Variants in CDKL3 observed in about 807,000 individuals in gnomAD.
CDKL3 encodes cyclin dependent kinase like 3.
Under a neutral mutation model 69.3 loss-of-function variants are expected in CDKL3, and 65 were observed. That is an observed-to-expected ratio of 0.94 (90% CI 0.77 to 1.15). The LOEUF (loss-of-function observed/expected upper bound fraction) is 1.15, where lower values mean the gene tolerates loss of function less well. CDKL3 is among the 50% of genes most tolerant of loss of function. CDKL3 has a pLI of 0.00. For missense variants in CDKL3, 652 were observed against 689.2 expected, an observed-to-expected ratio of 0.95 and a Z score of 0.61; for synonymous variants, 202 against 221.6, an observed-to-expected ratio of 0.91 and a Z score of 0.79.
At chr5:134,303,671 C>CG (rs1023656328) in intron 11 of CDKL3, among the ~76,000 whole-genome samples, 1 of 108,848 alleles carries the variant, frequency 9.2e-6, no homozygotes, top group Non-Finnish European at 1.8e-5. Flanking sequence ...TGGTGGAACC[C>CG]CCCCCCCGTC....
upstream of CDKL3, among the ~76,000 whole-genome samples, chr5:134,370,813 C>A (rs1218146541): frequency 3.9e-5 from 6 of 152,178 alleles, no homozygotes; most frequent in East Asian, 9.6e-4. Context: ...CCCCAAGTAC[C>A]AGAGTTAATA....
chr5:134,325,459 A>C (rs1200606916), intron 4 of CDKL3, among the ~76,000 whole-genome samples: 1 of 152,194 alleles, frequency 6.6e-6, no homozygotes, highest in Admixed American at 6.5e-5. Context: ...AGAATAAATA[A>C]AATTAAGACC....
intron 4 of CDKL3, among the ~76,000 whole-genome samples, chr5:134,330,368 T>C (rs919993475): frequency 1.3e-5 from 2 of 152,178 alleles, no homozygotes; most frequent in African/African-American, 4.8e-5. Context: ...ATGGTCATGG[T>C]GGAGATGGAC....
At chr5:134,302,562 A>AGT (rs777659525) in intron 12 of CDKL3, 28 bp downstream of exon 12, 252 of 1,131,612 alleles carry the variant, frequency 2.2e-4, no homozygotes, top group Non-Finnish European at 3.3e-4. Context: ...AACATGCCTT[A>AGT]GTAAAAGCTA....
chr5:134,342,549 G>A lies in CDKL3; in HGVS notation c.539+7700C>T, dbSNP rs574551821. 7.3e-5 allele frequency among the ~76,000 whole-genome samples: 11 copies of A among 151,644 alleles called. No individual in the cohort carries two copies. The South Asian group carries it at 1.5e-3, about 20-fold the overall frequency. On this transcript the variant is annotated intron_variant, in intron 4 of 12. Transcript: ENST00000265334. The stretch of plus-strand genomic sequence containing the variant: ...TGGGAGGCGGAGCTTGCAGTGAGCC[G>A]AGATTGTGCCACTGCACTCCAGCCT...
intron 4 of CDKL3, among the ~76,000 whole-genome samples, chr5:134,329,717 C>A (rs1158183856): frequency 6.6e-6 from 1 of 152,052 alleles, no homozygotes; most frequent in Non-Finnish European, 1.5e-5. Flanking sequence ...GATCCACCCA[C>A]CTCGGCCTCC....
intron 4 of CDKL3, among the ~76,000 whole-genome samples, chr5:134,326,866 T>TACACACAC (rs1219130463): frequency 1.0e-5 from 1 of 98,262 alleles, no homozygotes; most frequent in African/African-American, 5.9e-5. Flanking sequence ...TATATATATA[T>TACACACAC]ACACACACAC....
At chr5:134,339,137 G>A (rs1283330076) in intron 4 of CDKL3, among the ~76,000 whole-genome samples, 1 of 151,962 alleles carries the variant, frequency 6.6e-6, no homozygotes, top group Non-Finnish European at 1.5e-5. Flanking sequence ...ACTCCAGCCT[G>A]GGTGACAGAG....
intron 6 of CDKL3, among the ~76,000 whole-genome samples, chr5:134,317,882 T>C (rs1771591599): frequency 6.6e-6 from 1 of 152,070 alleles, no homozygotes; most frequent in Admixed American, 6.6e-5. Context: ...CATTCTGACC[T>C]GGGTGAAAGA....
chr5:134,326,797 G>GTATATATATATATGTGTGTGTA (rs1561562371), intron 4 of CDKL3, among the ~76,000 whole-genome samples: 2 of 137,944 alleles, frequency 1.4e-5, no homozygotes, highest in East Asian at 2.1e-4. Context: ...AAGCGTGTGT[G>GTATATATATATATGTGTGTGTA]TATATATATA....
chr5:134,328,646 A>G (rs1774991547), intron 4 of CDKL3, among the ~76,000 whole-genome samples: 1 of 152,178 alleles, frequency 6.6e-6, no homozygotes, highest in Non-Finnish European at 1.5e-5. Flanking sequence ...ATTTATTGCA[A>G]AACAATAATC....
intron 8 of CDKL3, among the ~76,000 whole-genome samples, chr5:134,287,842 T>G (rs1764936558): frequency 6.6e-6 from 1 of 151,910 alleles, no homozygotes; most frequent in African/African-American, 2.4e-5. Flanking sequence ...CTGCCTAAAT[T>G]AACCAGTAAC....
chr5:134,303,673 C>G (rs1045133436), intron 11 of CDKL3, among the ~76,000 whole-genome samples: 18 of 151,212 alleles, frequency 1.2e-4, no homozygotes, highest in Non-Finnish European at 2.5e-4. Context: ...GTGGAACCCC[C>G]CCCCCGTCTC....
intron 8 of CDKL3, among the ~76,000 whole-genome samples, chr5:134,291,220 T>C (rs1349096889): frequency 6.6e-6 from 1 of 152,198 alleles, no homozygotes; most frequent in Non-Finnish European, 1.5e-5. Flanking sequence ...ATACCTATTA[T>C]ATATTTTAAT....
chr5:134,292,701 C>G (rs1765173098), intron 8 of CDKL3, among the ~76,000 whole-genome samples: 1 of 151,282 alleles, frequency 6.6e-6, no homozygotes, highest in Non-Finnish European at 1.5e-5. Flanking sequence ...TCTAGACTTA[C>G]TAATAAAAAA....
At chr5:134,335,058 C>T (rs1776724082) in intron 4 of CDKL3, among the ~76,000 whole-genome samples, 2 of 151,496 alleles carry the variant, frequency 1.3e-5, no homozygotes, top group Non-Finnish European at 1.5e-5. Context: ...ATCCCTTTGC[C>T]ATTATGTAAC....
intron 8 of CDKL3, among the ~76,000 whole-genome samples, chr5:134,288,366 C>T (rs1188168212): frequency 6.6e-6 from 1 of 152,194 alleles, no homozygotes; most frequent in African/African-American, 2.4e-5. Flanking sequence ...ACTGGGTCTC[C>T]AGAGATTAAT....
chr5:134,346,906 T>A (rs900366378), intron 4 of CDKL3, among the ~76,000 whole-genome samples: 23 of 152,212 alleles, frequency 1.5e-4, no homozygotes, highest in African/African-American at 5.5e-4. Flanking sequence ...AATTAGTTGC[T>A]TTTGGAGGTC....
chr5:134,340,734 G>A (rs143483624), intron 4 of CDKL3, among the ~76,000 whole-genome samples: 84 of 151,884 alleles, frequency 5.5e-4, no homozygotes, highest in Middle Eastern at 3.4e-3. Context: ...AAAACTACCC[G>A]CAAAGAAAAG....
Sources: gnomAD v4.1 joint callset for allele counts (sites outside exome capture counted in the v4.1 genomes callset) on GRCh38, gnomAD v4.1.1 for gene constraint, MANE v1.5 for transcripts, NCBI Gene and HGNC (gene_info 2026-07-23, HGNC 2026-07-21) for gene names.